Variants in DST observed in about 807,000 individuals in gnomAD.
DST encodes the protein bullous pemphigoid antigen.
In DST, 253 loss-of-function variants were observed where a neutral mutation model predicts 875.2. The ratio of observed to expected loss-of-function variants is 0.29; its 90% CI spans 0.26 to 0.32. The LOEUF (loss-of-function observed/expected upper bound fraction) is 0.32, where lower values mean the gene tolerates loss of function less well. Ranked by LOEUF, DST falls within the 10% of genes least tolerant of loss-of-function variation. DST has a pLI of 1.00. For missense variants in DST, 8,287 were observed against 9,111.6 expected (o/e 0.91, Z 3.68); for synonymous variants, 3,124 against 3,197.1 (o/e 0.98, Z 0.77).
At chr6:56,863,727 C>G (rs1372365974) in intron 3 of DST, 1 of 152,210 alleles carries the variant, frequency 6.6e-6, no homozygotes, top group Non-Finnish European at 1.5e-5. Flanking sequence ...AAATGTGTAT[C>G]TGTGTCCATA....
Position 56,604,505 on chromosome 6 carries a change from C to T in DST, c.10123G>A (p.Glu3375Lys). The change falls in exon 40 of 104, where the codon GAA becomes AAA. Residue 3375 changes from glutamate to lysine, a missense_variant. Transcript: ENST00000680361. ...EGHMNPQEVEEPSACADTKIL... is the reference protein window; with the variant it reads ...EGHMNPQEVEKPSACADTKIL... ...TTAGTGTCTGCACAGGCTGAAGGTT[C>T]TTCAACCTCTTGAGGGTTCATATGA... 6.2e-7 allele frequency: 1 copy of T among 1,612,490 alleles called. No homozygotes were observed. Among genetic ancestry groups the T allele is most frequent in the Non-Finnish European group, 8.5e-7 (1 of 1,179,080 alleles).
At chr6:56,561,187 T>C (rs1049985520) in intron 57 of DST, 121 bp downstream of exon 57, 27 of 1,095,926 alleles carry the variant, frequency 2.5e-5, no homozygotes, top group Non-Finnish European at 3.2e-5. Context: ...CTGTCAATTA[T>C]GTGCTAAAGG....
intron 4 of DST, among the ~76,000 whole-genome samples, chr6:56,780,672 A>G (rs1397015124): frequency 6.6e-6 from 1 of 151,386 alleles, no homozygotes; most frequent in East Asian, 1.9e-4. Flanking sequence ...CCCATTTTGT[A>G]GGTTGCCTGT....
chr6:56,669,101 T>A (rs528884348), intron 10 of DST, among the ~76,000 whole-genome samples: 30 of 151,870 alleles, frequency 2.0e-4, no homozygotes, highest in African/African-American at 7.0e-4. Context: ...AGAACACGAG[T>A]ATAGCATTTA....
At chr6:56,813,853 G>A (rs1167118896) in intron 4 of DST, among the ~76,000 whole-genome samples, 2 of 151,998 alleles carry the variant, frequency 1.3e-5, no homozygotes, top group African/African-American at 2.4e-5. Flanking sequence ...TCATTATGAT[G>A]CTGTTCTTTG....
intron 3 of DST, among the ~76,000 whole-genome samples, chr6:56,861,376 C>A (rs1191832711): frequency 1.3e-5 from 2 of 152,178 alleles, no homozygotes; most frequent in African/African-American, 4.8e-5. Context: ...TGCCTGATCC[C>A]TCTGAGCTGG....
chr6:56,501,379 G>C (rs60820166), intron 79 of DST, 141 bp downstream of exon 79: 8 of 1,130,282 alleles, frequency 7.1e-6, no homozygotes, highest in Non-Finnish European at 9.6e-6. Flanking sequence ...ATCCTTCTAT[G>C]TTTTAAGTTT....
chr6:56,600,598 C>A (rs1173274000), intron 44 of DST, among the ~76,000 whole-genome samples: 2 of 152,026 alleles, frequency 1.3e-5, no homozygotes, highest in African/African-American at 4.8e-5. Context: ...TGTAGGTTAA[C>A]ATATTTGATA....
intron 63 of DST, among the ~76,000 whole-genome samples, chr6:56,534,480 T>C (rs781045217): frequency 3.3e-5 from 5 of 152,284 alleles, no homozygotes; most frequent in Middle Eastern, 3.4e-3. Flanking sequence ...TTTTCCCAAA[T>C]TGGCCCCACT....
intron 49 of DST, among the ~76,000 whole-genome samples, chr6:56,580,426 T>G (rs2097951341): frequency 1.3e-5 from 2 of 152,036 alleles, no homozygotes; most frequent in African/African-American, 4.8e-5. Flanking sequence ...AGTCTGTGCC[T>G]GTAGTCTCAA....
chr6:56,825,040 G>A (rs1297328617), intron 4 of DST, among the ~76,000 whole-genome samples: 1 of 152,230 alleles, frequency 6.6e-6, no homozygotes, highest in African/African-American at 2.4e-5. Flanking sequence ...GACAATGGCG[G>A]TTTTGTGGAA....
In DST at chr6:56,619,256, AT is replaced by A. The variant is rs2098662583; in HGVS notation, c.4930-4773del. The A allele has an allele frequency of 2.5e-6, 4 of 1,613,036 alleles. No homozygotes were observed. The highest frequency in any genetic ancestry group is 1.7e-6 in the Non-Finnish European group (2 of 1,179,850). ...AACTATATTCTCTGATTCTGCCTGAATTCTCTGCATCATTAATTTGGTTTCA... is the reference window on the plus strand; with the variant it reads ...AACTATATTCTCTGATTCTGCCTGAATCTCTGCATCATTAATTTGGTTTCA... On this transcript the variant is annotated intron_variant, in intron 36 of 103. Transcript: ENST00000680361.
intron 15 of DST, among the ~76,000 whole-genome samples, chr6:56,644,403 A>G (rs2098930363): frequency 6.6e-6 from 1 of 152,190 alleles, no homozygotes; most frequent in African/African-American, 2.4e-5. Context: ...ATTATTTCAC[A>G]ACGTTGAATC....
chr6:56,881,929 A>G (rs1782416329), intron 3 of DST, among the ~76,000 whole-genome samples: 1 of 152,242 alleles, frequency 6.6e-6, no homozygotes, highest in Admixed American at 6.5e-5. Flanking sequence ...CAGCGCGTGC[A>G]CAAGAAACTT....
chr6:56,497,569 A>G (rs2095962167), intron 81 of DST, 62 bp from the exon 82 acceptor site: 1 of 1,572,258 alleles, frequency 6.4e-7, no homozygotes, highest in Non-Finnish European at 8.6e-7. Flanking sequence ...GCAGGAAATA[A>G]GCTTCAAACA....
At chr6:56,816,041 G>A (rs1297120997) in intron 4 of DST, among the ~76,000 whole-genome samples, 2 of 152,004 alleles carry the variant, frequency 1.3e-5, no homozygotes, top group African/African-American at 2.4e-5. Context: ...TCCACTCTCC[G>A]TGAGATTTTA....
At chr6:56,464,357 A>G (rs1427040390) in intron 100 of DST, 1 of 360,080 alleles carries the variant, frequency 2.8e-6, no homozygotes, top group African/African-American at 2.1e-5. Flanking sequence ...ACCAACATGC[A>G]ATAACAAACA....
In DST at chr6:56,842,921, C is replaced by A. The variant is rs13192931; in HGVS notation, c.625+8476G>T. 129,873 of 838,854 alleles carry A rather than the reference C, an allele frequency of 0.15. 11,599 individuals carry two copies. Among genetic ancestry groups the A allele is most frequent in the Non-Finnish European group, 0.18 (110,840 of 623,046 alleles). 52.0% of individuals were successfully genotyped at this position (838,854 alleles called of 1,614,324 possible). A position where few individuals can be genotyped will look rare whatever the true frequency, so the allele number is the denominator to read the frequency against. ...GGTACTAAATCCCGTGCAAAAAGAC[C>A]TGGTCCATTCCCAAGACTGGTCCAG... On this transcript the variant is annotated intron_variant, in intron 4 of 103. Transcript: ENST00000680361.
intron 3 of DST, among the ~76,000 whole-genome samples, chr6:56,891,926 GGA>G (rs1280126487): frequency 6.6e-6 from 1 of 152,160 alleles, no homozygotes; most frequent in Non-Finnish European, 1.5e-5. Context: ...AGATCCTTCA[GGA>G]GAGAGGGTGA....
Sources: allele counts gnomAD v4.1 joint callset (sites outside exome capture counted in the v4.1 genomes callset), GRCh38; gene constraint gnomAD v4.1.1; transcripts MANE v1.5; gene names NCBI Gene and HGNC (gene_info 2026-07-23, HGNC 2026-07-21).